YY1: variants seen among roughly 807,000 people sequenced by gnomAD.
YY1 encodes YY1 transcription factor, also known as transcriptional repressor protein YY1.
YY1 carries 2 observed loss-of-function variants against 35.6 expected under a neutral mutation model. That is an observed-to-expected ratio of 0.06 (90% CI 0.02 to 0.18). The LOEUF is 0.18. YY1 is among the 10% of genes least tolerant of loss of function. The probability of loss-of-function intolerance (pLI) is 1.00; values close to 1 mark genes in which losing one functional copy is unlikely to be tolerated. For missense variants in YY1, 322 were observed against 573.4 expected (o/e 0.56, Z 4.48); for synonymous variants, 268 against 238.9 (o/e 1.12, Z -1.12).
In YY1 at chr14:100,239,244, C is replaced by T. The variant is rs1190136381; in HGVS notation, c.-1C>T. The T allele has an allele frequency of 6.4e-7, 1 of 1,550,900 alleles. No individual in the cohort carries two copies. The highest frequency in any genetic ancestry group is 8.7e-7 in the Non-Finnish European group (1 of 1,152,492). ...CGGCCGTGGCGGCGGAGCCCTCAGCCATGGCCTCGGGCGACACCCTCTACA... is the reference window on the plus strand; with the variant it reads ...CGGCCGTGGCGGCGGAGCCCTCAGCTATGGCCTCGGGCGACACCCTCTACA... On this transcript the variant is annotated 5_prime_UTR_variant, in exon 1 of 5. Coordinates refer to ENST00000262238, the MANE Select transcript of YY1 (RefSeq NM_003403.5).
At position 100,276,039 on chromosome 14, in the gene YY1, T is replaced by G; in HGVS notation, c.904-451T>G. 1 of 208,494 alleles carries G rather than the reference T, an allele frequency of 4.8e-6. No individual in the cohort carries two copies. The highest frequency in any genetic ancestry group is 9.8e-6 in the Non-Finnish European group (1 of 101,924). The allele number at this position is 208,494 out of a possible 1,614,324, so 12.9% of individuals were successfully genotyped here. On this transcript the variant is annotated intron_variant, in intron 3 of 4. Coordinates refer to ENST00000262238, the MANE Select transcript of YY1 (RefSeq NM_003403.5). The surrounding 1 kb of genome is among the most constrained non-coding windows in gnomAD (Gnocchi z 4.1). ...AACAGTAGGCGATGGAGAATGACAG[T>G]CCATTGTTGCAGCACAGAATATGGG...
At chr14:100,274,880 C>A in intron 3 of YY1, 122 bp downstream of exon 3, 1 of 1,014,364 alleles carries the variant, frequency 9.9e-7, no homozygotes, top group South Asian at 1.4e-5. Flanking sequence ...TTAGAATCTT[C>A]GGTTTCTAAA....
At position 100,239,239 on chromosome 14, in the gene YY1, T is replaced by G. The variant is rs751688683; in HGVS notation, c.-6T>G. 32 of 1,515,096 alleles carry G rather than the reference T, an allele frequency of 2.1e-5. No individual in the cohort carries two copies. The highest frequency in any genetic ancestry group is 2.0e-5 in the Admixed American group (1 of 49,220). The allele number at this position is 1,515,096 out of a possible 1,614,324, so 93.9% of individuals were successfully genotyped here. On this transcript the variant is annotated 5_prime_UTR_variant, in exon 1 of 5. Transcript: ENST00000262238. Reference sequence around the variant, plus strand: ...CGCCGCGGCCGTGGCGGCGGAGCCCTCAGCCATGGCCTCGGGCGACACCCT... The same window carrying G: ...CGCCGCGGCCGTGGCGGCGGAGCCCGCAGCCATGGCCTCGGGCGACACCCT...
intron 1 of YY1, among the ~76,000 whole-genome samples, chr14:100,242,535 C>G (rs1270045005): frequency 6.6e-6 from 1 of 150,550 alleles, no homozygotes. Flanking sequence ...ACTACAGGCG[C>G]CCACCACCAC....
chr14:100,271,941 CAGAT>C (rs1266490901), intron 2 of YY1, among the ~76,000 whole-genome samples: 1 of 152,094 alleles, frequency 6.6e-6, no homozygotes, highest in Non-Finnish European at 1.5e-5. Flanking sequence ...TGTTAGCACT[CAGAT>C]AGTTTCAGAT....
chr14:100,273,941 A>AC lies in YY1; in HGVS notation c.843-756dup, dbSNP rs61533181. On this transcript the variant is annotated intron_variant, in intron 2 of 4. Coordinates refer to ENST00000262238, the MANE Select transcript of YY1 (RefSeq NM_003403.5). ...GTAATTTCACCTGGGGCTCTGCCAGACGGTTACCACATTACCAGGACTCTT... is the reference window on the plus strand; with the variant it reads ...GTAATTTCACCTGGGGCTCTGCCAGACCGGTTACCACATTACCAGGACTCTT... Among the ~76,000 whole-genome samples the AC allele has an allele frequency of 2.6e-3, 399 of 152,194 alleles. 4 individuals are homozygous for AC. The highest frequency in any genetic ancestry group is 8.7e-3 in the African/African-American group (362 of 41,500).
At position 100,280,656 on chromosome 14, in the gene YY1, T is replaced by G. The variant is rs1234925249; in HGVS notation, c.*3056T>G. On this transcript the variant is annotated 3_prime_UTR_variant, in exon 5 of 5. Transcript: ENST00000262238. ...ATGTAAAAGTTCTAAATGTCACTTA[T>G]TTTGCTAAATAAGACCCTTTCACAG... is the stretch of plus-strand genomic sequence containing the variant. 2.0e-5 allele frequency: 3 copies of G among 152,200 alleles called. No homozygotes were observed. The East Asian group carries it at 5.8e-4, about 29-fold the overall frequency. The allele number at this position is 152,200 out of a possible 1,614,324, so 9.4% of individuals were successfully genotyped here.
intron 1 of YY1, 142 bp from the exon 2 acceptor site, chr14:100,262,162 C>CA (rs371942698): frequency 0.039 from 28,389 of 728,730 alleles, no homozygotes; most frequent in Middle Eastern, 0.052. Context: ...GACCGTTCTC[C>CA]AAAAAAAAAA....
rs2139561003 is a variant in YY1 at position 100,239,942 on chromosome 14, C to T, written c.679+19C>T. 1.3e-6 allele frequency: 2 copies of T among 1,513,734 alleles called. No homozygotes were observed. Among genetic ancestry groups the T allele is most frequent in the South Asian group, 1.2e-5 (1 of 80,510 alleles). The allele number at this position is 1,513,734 out of a possible 1,614,324, so 93.8% of individuals were successfully genotyped here. A position where few individuals can be genotyped will look rare whatever the true frequency, so the allele number is the denominator to read the frequency against. ...TCCTCAGGTGAGCGCCGGCCGCGCG[C>T]CCCGGCCCCGGGATGTTTTTGTTTT... On this transcript the variant is annotated intron_variant, in intron 1 of 4. Coordinates refer to ENST00000262238, the MANE Select transcript of YY1 (RefSeq NM_003403.5).
At chr14:100,260,460 C>CAT (rs1436170263) in intron 1 of YY1, among the ~76,000 whole-genome samples, 4 of 128,314 alleles carry the variant, frequency 3.1e-5, no homozygotes, top group Non-Finnish European at 4.7e-5. Context: ...CACACACACA[C>CAT]ATATATGTAT....
At chr14:100,275,082 T>C (rs1317802834) in intron 3 of YY1, among the ~76,000 whole-genome samples, 3 of 152,182 alleles carry the variant, frequency 2.0e-5, no homozygotes, top group African/African-American at 7.2e-5. Flanking sequence ...TTTATGGGAA[T>C]GTAGGCTTGT....
chr14:100,276,980 A>T lies in YY1; in HGVS notation c.1062+332A>T. ...TTGAAGTAATTTATTTTTGGTAGTT[A>T]ATAGTATAATTACTAACTGATAAAG... On this transcript the variant is annotated intron_variant, in intron 4 of 4. Transcript: ENST00000262238. This position sits in a 1 kb window ranked among gnomAD's most constrained non-coding sequence, Gnocchi z 4.1. 2.4e-6 allele frequency: 1 copy of T among 423,196 alleles called. No individual in the cohort carries two copies. Among genetic ancestry groups the T allele is most frequent in the Non-Finnish European group, 4.4e-6 (1 of 229,314 alleles). The allele number at this position is 423,196 out of a possible 1,614,324, so 26.2% of individuals were successfully genotyped here.
In YY1 at chr14:100,276,674, A is replaced by G. The variant is rs946143777; in HGVS notation, c.1062+26A>G. ...GTAGAGCCAGTTCCCTCTCTTCCCC[A>G]CACTGCCTTGCCTGTCTGAACACTG... On this transcript the variant is annotated intron_variant, in intron 4 of 4. Coordinates refer to ENST00000262238, the MANE Select transcript of YY1 (RefSeq NM_003403.5). The surrounding 1 kb of genome is among the most constrained non-coding windows in gnomAD (Gnocchi z 4.1). The G allele has an allele frequency of 9.3e-6, 15 of 1,613,958 alleles. No individual in the cohort carries two copies. The highest frequency in any genetic ancestry group is 2.7e-5 in the African/African-American group (2 of 75,042).
chr14:100,241,977 AAG>A (rs1890750876), intron 1 of YY1, among the ~76,000 whole-genome samples: 1 of 26,416 alleles, frequency 3.8e-5, no homozygotes, highest in Non-Finnish European at 1.2e-4. Flanking sequence ...TCTGTCTCAA[AAG>A]GGGGGGGGGG....
At chr14:100,250,554 A>T (rs925997183) in intron 1 of YY1, among the ~76,000 whole-genome samples, 6 of 151,730 alleles carry the variant, frequency 4.0e-5, no homozygotes, top group Admixed American at 3.9e-4. Flanking sequence ...GTCAAAATTA[A>T]AAAAAAAGGA....
chr14:100,249,762 TTG>T (rs1555369514), intron 1 of YY1, among the ~76,000 whole-genome samples: 1 of 138,010 alleles, frequency 7.2e-6, no homozygotes, highest in African/African-American at 2.7e-5. Context: ...TTTTTTTTGT[TTG>T]TTTTTGTTTT....
chr14:100,263,653 C>T (rs1234775658), intron 2 of YY1: 1 of 152,090 alleles, frequency 6.6e-6, no homozygotes, highest in Admixed American at 6.5e-5. Context: ...CAGGAAATTT[C>T]GGCAAGGGCA....
intron 1 of YY1, among the ~76,000 whole-genome samples, chr14:100,251,614 A>C (rs2139576938): frequency 6.6e-6 from 1 of 152,286 alleles, no homozygotes; most frequent in East Asian, 1.9e-4. Flanking sequence ...TTCCCCCTTA[A>C]ACCTAGGAGA....
intron 1 of YY1, among the ~76,000 whole-genome samples, chr14:100,260,528 A>G (rs1397869016): frequency 1.4e-5 from 2 of 147,422 alleles, no homozygotes; most frequent in African/African-American, 5.0e-5. Flanking sequence ...GCTGGAGTAC[A>G]GTGGCACAAT....
Sources: gnomAD v4.1 joint callset for allele counts (sites outside exome capture counted in the v4.1 genomes callset) on GRCh38, gnomAD v4.1.1 for gene constraint, Gnocchi (gnomAD v3.1) non-coding constraint, MANE v1.5 for transcripts, NCBI Gene and HGNC (gene_info 2026-07-23, HGNC 2026-07-21) for gene names.